Variants in TIAM2 observed in about 807,000 individuals in gnomAD.
TIAM2 encodes the protein rho guanine nucleotide exchange factor TIAM2.
In TIAM2, 80 loss-of-function variants were observed where a neutral mutation model predicts 152.9. The observed-to-expected ratio is 0.52, with a 90% CI of 0.44 to 0.63. The LOEUF (loss-of-function observed/expected upper bound fraction) is 0.63. TIAM2 is among the 30% of genes least tolerant of loss of function. The probability of loss-of-function intolerance (pLI) is 0.00; values close to 1 mark genes in which losing one functional copy is unlikely to be tolerated. For missense variants in TIAM2, 1,965 were observed against 2,120.1 expected, an observed-to-expected ratio of 0.93 and a Z score of 1.44; for synonymous variants, 804 against 838.0, an observed-to-expected ratio of 0.96 and a Z score of 0.70.
At chr6:155,114,032 ATATATTTTTTTTTTTTTCTTTTT>A (rs1778933730) in intron 2 of TIAM2, among the ~76,000 whole-genome samples, 1 of 43,506 alleles carries the variant, frequency 2.3e-5, no homozygotes, top group South Asian at 9.4e-4. Context: ...ATATATATAT[ATATATTTTTTTTTTTTTCTTTTT>A]TTTTTTTTTT....
At chr6:155,114,049 T>C (rs1778947166) in intron 2 of TIAM2, among the ~76,000 whole-genome samples, 2 of 63,582 alleles carry the variant, frequency 3.1e-5, no homozygotes, top group African/African-American at 1.5e-4. Flanking sequence ...TTTTTTTTTT[T>C]CTTTTTTTTT....
rs71558240 is a variant in TIAM2, at chr6:155,163,961, A to ATTTT, written c.2029-453_2029-450dup. 1.0e-3 allele frequency among the ~76,000 whole-genome samples: 150 copies of ATTTT among 144,030 alleles called. 10 individuals are homozygous for ATTTT. Among genetic ancestry groups the ATTTT allele is most frequent in the Non-Finnish European group, 1.4e-3 (92 of 66,020 alleles). The allele number at this position is 144,030 out of a possible 152,430, so 94.5% of individuals were successfully genotyped here. On this transcript the variant is annotated intron_variant, in intron 7 of 26. Coordinates refer to ENST00000682666, the MANE Select transcript of TIAM2 (RefSeq NM_012454.4). ...AATGAAGTGCTGGATGACCCAGTGC[A>ATTTT]TTTTGTTTTTTTTTTTGAGACGGAG...
At chr6:155,089,579 A>G (rs1778253328) in intron 1 of TIAM2, among the ~76,000 whole-genome samples, 1 of 152,152 alleles carries the variant, frequency 6.6e-6, no homozygotes, top group Admixed American at 6.5e-5. Context: ...AGAATCCGTA[A>G]CAATGGCTCA....
chr6:155,136,151 G>A (rs967584513), intron 4 of TIAM2, among the ~76,000 whole-genome samples: 3 of 142,326 alleles, frequency 2.1e-5, no homozygotes, highest in Admixed American at 7.2e-5. Flanking sequence ...CCAAGATTGC[G>A]CCATTGCACT....
chr6:155,164,701 C>A, intron 8 of TIAM2, 101 bp downstream of exon 8: 1 of 1,383,762 alleles, frequency 7.2e-7, no homozygotes, highest in Non-Finnish European at 9.8e-7. Flanking sequence ...GGGCTTGACC[C>A]AACAACTGAC....
Position 155,173,169 on chromosome 6 carries a change from TTGTG to T in TIAM2, c.2362-3617_2362-3614del, listed in dbSNP as rs60356205. On this transcript the variant is annotated intron_variant, in intron 9 of 26. Coordinates refer to ENST00000682666, the MANE Select transcript of TIAM2 (RefSeq NM_012454.4). ...CTTGAACTGTATACATTTGTGAGGG[TTGTG>T]TGTGTGTGTGTGTGTGTGTGTGTGT... Among the ~76,000 whole-genome samples the T allele has an allele frequency of 5.9e-3, 872 of 146,634 alleles. 7 individuals are homozygous for T. Among genetic ancestry groups the T allele is most frequent in the Non-Finnish European group, 8.3e-3 (553 of 66,250 alleles).
At chr6:155,119,459 C>G (rs139008175) in intron 2 of TIAM2, among the ~76,000 whole-genome samples, 5,125 of 152,210 alleles carry the variant, frequency 0.034, 269 homozygotes, top group African/African-American at 0.12. Flanking sequence ...CATGCCTCAG[C>G]CTCTCGAATA....
chr6:155,197,525 A>G (rs1221738544), intron 14 of TIAM2, among the ~76,000 whole-genome samples: 1 of 152,088 alleles, frequency 6.6e-6, no homozygotes, highest in Non-Finnish European at 1.5e-5. Context: ...CTCCATATGG[A>G]TGTTCTTTGA....
intron 10 of TIAM2, among the ~76,000 whole-genome samples, chr6:155,177,833 G>A (rs1465990443): frequency 6.6e-6 from 1 of 152,064 alleles, no homozygotes; most frequent in East Asian, 1.9e-4. Flanking sequence ...CTATACCAAT[G>A]ATATCCTCCA....
intron 2 of TIAM2, among the ~76,000 whole-genome samples, chr6:155,107,735 TC>T (rs1298543814): frequency 6.6e-6 from 1 of 152,182 alleles, no homozygotes; most frequent in Non-Finnish European, 1.5e-5. Flanking sequence ...AGAAATGGAA[TC>T]CCTTGTAATC....
chr6:155,116,412 A>T (rs1282462455), intron 2 of TIAM2, among the ~76,000 whole-genome samples: 1 of 143,802 alleles, frequency 7.0e-6, no homozygotes, highest in African/African-American at 2.8e-5. Flanking sequence ...CAAGGCAAAA[A>T]CCCTTGTTGA....
chr6:155,089,651 C>T (rs1028508335), intron 1 of TIAM2, among the ~76,000 whole-genome samples: 2 of 152,194 alleles, frequency 1.3e-5, no homozygotes, highest in African/African-American at 4.8e-5. Flanking sequence ...GTTCAAATAC[C>T]ATTCAGATTT....
chr6:155,245,255 G>A (rs1380373859), intron 18 of TIAM2, among the ~76,000 whole-genome samples: 1 of 152,196 alleles, frequency 6.6e-6, no homozygotes, highest in African/African-American at 2.4e-5. Context: ...CCTCCAAGGG[G>A]ACCTGGAACC....
chr6:155,146,667 C>T (rs1000788939), intron 6 of TIAM2, among the ~76,000 whole-genome samples: 20 of 151,970 alleles, frequency 1.3e-4, no homozygotes, highest in Non-Finnish European at 2.6e-4. Context: ...GTGATCTCAG[C>T]TCACTGCAAC....
chr6:155,011,090 G>A (rs1778481849), intron 1 of TIAM2, among the ~76,000 whole-genome samples: 1 of 151,812 alleles, frequency 6.6e-6, no homozygotes, highest in African/African-American at 2.4e-5. Context: ...TTCAGTCCTT[G>A]GTAATGTTGA....
At chr6:155,155,115 T>C (rs1222000325) in intron 7 of TIAM2, among the ~76,000 whole-genome samples, 1 of 152,052 alleles carries the variant, frequency 6.6e-6, no homozygotes, top group Non-Finnish European at 1.5e-5. Context: ...AATAGGGAGA[T>C]GGTGAAAGTG....
chr6:155,204,542 T>C (rs1781551615), intron 14 of TIAM2, among the ~76,000 whole-genome samples: 1 of 152,198 alleles, frequency 6.6e-6, no homozygotes, highest in African/African-American at 2.4e-5. Context: ...GGGTAGTATA[T>C]TGCTTTTGGA....
In TIAM2 at chr6:155,181,068, A is replaced by T. The variant is rs1337245747; in HGVS notation, c.2708-1158A>T. The stretch of plus-strand genomic sequence containing the variant: ...ATACTCTCTGGTGAGACCATATTCT[A>T]CCAGCAGAAGATACTCTCTGGTGAG... On this transcript the variant is annotated intron_variant, in intron 12 of 26. Coordinates refer to ENST00000682666, the MANE Select transcript of TIAM2 (RefSeq NM_012454.4). 2.0e-5 allele frequency among the ~76,000 whole-genome samples: 3 copies of T among 152,166 alleles called. No homozygotes were observed. The East Asian group carries it at 5.8e-4, about 29-fold the overall frequency.
chr6:155,049,099 C>A (rs1197805373), intron 1 of TIAM2, among the ~76,000 whole-genome samples: 1 of 152,156 alleles, frequency 6.6e-6, no homozygotes, highest in Non-Finnish European at 1.5e-5. Context: ...CCATGCCCAG[C>A]CTTAATCCAC....
Sources: allele counts gnomAD v4.1 joint callset (sites outside exome capture counted in the v4.1 genomes callset), GRCh38; gene constraint gnomAD v4.1.1; transcripts MANE v1.5; gene names NCBI Gene and HGNC (gene_info 2026-07-23, HGNC 2026-07-21).